The following EDEM3 variants were observed in gnomAD, a reference collection of about 807,000 sequenced individuals.
The protein encoded by EDEM3 is ER degradation-enhancing alpha-mannosidase-like protein 3.
In EDEM3, 60 loss-of-function variants were observed where a neutral mutation model predicts 110.2. The ratio of observed to expected loss-of-function variants is 0.54; its 90% CI spans 0.44 to 0.67. The LOEUF (loss-of-function observed/expected upper bound fraction) is 0.67, where lower values mean the gene tolerates loss of function less well. Among genes scored for constraint, EDEM3 ranks in the 30% least tolerant of loss-of-function variants. The pLI is 0.00. For missense variants in EDEM3, 996 were observed against 1,121.0 expected (o/e 0.89, Z 1.59); for synonymous variants, 352 against 382.9 (o/e 0.92, Z 0.94).
chr1:184,754,515 C>T lies in EDEM3; in HGVS notation c.132G>A (p.Met44Ile), dbSNP rs1571440002. Residue 44 changes from methionine (M) to isoleucine (I), a missense_variant, in exon 1 of 20, where the codon ATG becomes ATA. Met to Ile is a conservative substitution (Grantham distance 10). This residue lies in a region of EDEM3 where 200 missense variants were observed against 183.8 expected (regional missense o/e 1.09). Coordinates refer to ENST00000318130, the MANE Select transcript of EDEM3 (RefSeq NM_025191.4). ...CAAGCTTCTGTTTCTCCTCCCTACTCATGGGCTCGGCCCCCGCCGTCCACA... is the reference window on the plus strand; with the variant it reads ...CAAGCTTCTGTTTCTCCTCCCTACTTATGGGCTCGGCCCCCGCCGTCCACA... ...TSVWTAGAEP[M>I]SREEKQKLGN... 1 of 1,613,316 alleles carries T rather than the reference C, an allele frequency of 6.2e-7. No homozygotes were observed. The highest frequency in any genetic ancestry group is 8.5e-7 in the Non-Finnish European group (1 of 1,179,828).
At chr1:184,703,706 G>A (rs766350392) in intron 18 of EDEM3, among the ~76,000 whole-genome samples, 25 of 152,220 alleles carry the variant, frequency 1.6e-4, no homozygotes, top group Middle Eastern at 3.4e-3. Context: ...CCTGTCTCAG[G>A]GTGCTCACTC....
intron 2 of EDEM3, among the ~76,000 whole-genome samples, chr1:184,747,527 T>C (rs1232124980): frequency 3.3e-5 from 5 of 152,352 alleles, no homozygotes; most frequent in East Asian, 1.9e-4. Context: ...AGATTGAATA[T>C]AGAAGAAGTA....
chr1:184,717,626 G>C lies in EDEM3; in HGVS notation c.1162-3C>G. On this transcript the variant is annotated splice_region_variant and splice_polypyrimidine_tract_variant and intron_variant, in intron 11 of 19. Coordinates refer to ENST00000318130, the MANE Select transcript of EDEM3 (RefSeq NM_025191.4). The stretch of plus-strand genomic sequence containing the variant: ...ACTCTGAAATCTGTGGTAAATGCCT[G>C]AACAAAACAACATACAAAAGGCATA... 1 of 1,592,142 alleles carries C rather than the reference G, an allele frequency of 6.3e-7. No individual in the cohort carries two copies. Among genetic ancestry groups the C allele is most frequent in the South Asian group, 1.2e-5 (1 of 86,664 alleles).
chr1:184,719,376 G>A, intron 10 of EDEM3, 67 bp downstream of exon 10: 1 of 1,570,282 alleles, frequency 6.4e-7, no homozygotes, highest in Non-Finnish European at 8.6e-7. Context: ...CAGTTTTAAA[G>A]ATCAAAAATG....
intron 9 of EDEM3, chr1:184,720,871 A>C (rs773569622): frequency 6.2e-6 from 1 of 161,862 alleles, no homozygotes; most frequent in Non-Finnish European, 1.3e-5. Flanking sequence ...ATGAATACTC[A>C]CTAGTTTCTC....
intron 2 of EDEM3, 72 bp from the exon 3 acceptor site, chr1:184,737,783 T>C: frequency 7.7e-7 from 1 of 1,306,778 alleles, no homozygotes; most frequent in South Asian, 1.4e-5. Context: ...AACATAACTT[T>C]TTCACAGTTA....
At chr1:184,720,363 A>G (rs997549891) in intron 9 of EDEM3, 1 of 151,952 alleles carries the variant, frequency 6.6e-6, no homozygotes, top group African/African-American at 2.4e-5. Context: ...GAATGCATAA[A>G]CTCAATCCTC....
intron 6 of EDEM3, among the ~76,000 whole-genome samples, chr1:184,732,215 C>T (rs1346643124): frequency 6.6e-6 from 1 of 151,812 alleles, no homozygotes; most frequent in Non-Finnish European, 1.5e-5. Flanking sequence ...CATAGAAAGA[C>T]AAATTTTGAA....
intron 1 of EDEM3, among the ~76,000 whole-genome samples, 157 bp downstream of exon 1, chr1:184,754,332 C>T (rs1239979523): frequency 6.6e-6 from 1 of 152,244 alleles, no homozygotes; most frequent in African/African-American, 2.4e-5. Flanking sequence ...CGGTTCCCAC[C>T]TCCCCGGACC....
chr1:184,730,048 T>C, intron 6 of EDEM3, among the ~76,000 whole-genome samples: 1 of 152,298 alleles, frequency 6.6e-6, no homozygotes, highest in Middle Eastern at 3.4e-3. Context: ...GAAATCCATA[T>C]TAAAATATAA....
intron 13 of EDEM3, among the ~76,000 whole-genome samples, chr1:184,712,914 G>C (rs1042773686): frequency 2.0e-5 from 3 of 152,138 alleles, no homozygotes; most frequent in African/African-American, 7.2e-5. Context: ...CAGCAGGGAG[G>C]TAACTGATAA....
rs372933109 is a variant in EDEM3 at position 184,752,932 on chromosome 1, C to T, written c.158+1557G>A. On this transcript the variant is annotated intron_variant, in intron 1 of 19. Transcript: ENST00000318130. ...AGAGATAACATATGTAAAGTATTCA[C>T]AGAGTGAGATATTTGGTAAAACTTA... is the stretch of plus-strand genomic sequence containing the variant. Among the ~76,000 whole-genome samples, 29 of 152,262 alleles carry T rather than the reference C, an allele frequency of 1.9e-4. No homozygotes were observed. The East Asian group carries it at 5.4e-3, about 28-fold the overall frequency.
chr1:184,712,536 T>C lies in EDEM3; in HGVS notation c.1433A>G (p.Glu478Gly). Reference protein sequence around the residue: ...KYLYLLFADKEDIIFDIEDYI... With the variant: ...KYLYLLFADKGDIIFDIEDYI... ...ATCTTCTATGTCAAAAATAATGTCT[T>C]CTTTATCAGCAAATAACAGGTAAAG... Residue 478 changes from glutamate to glycine, a missense_variant, in exon 14 of 20, where the codon GAA becomes GGA. Glu to Gly is a moderately conservative substitution (Grantham distance 98). Transcript: ENST00000318130. 1 of 1,596,130 alleles carries C rather than the reference T, an allele frequency of 6.3e-7. No individual in the cohort carries two copies. The highest frequency in any genetic ancestry group is 8.6e-7 in the Non-Finnish European group (1 of 1,168,864).
At chr1:184,724,888 T>C (rs757448589) in intron 7 of EDEM3, among the ~76,000 whole-genome samples, 11 of 152,156 alleles carry the variant, frequency 7.2e-5, no homozygotes, top group Non-Finnish European at 1.5e-4. Context: ...GATCTCTTTA[T>C]ATATATTAGA....
rs1649012532 is a variant in EDEM3 at position 184,690,442 on chromosome 1, T to C, written c.*3621A>G. On this transcript the variant is annotated 3_prime_UTR_variant, in exon 20 of 20. Coordinates refer to ENST00000318130, the MANE Select transcript of EDEM3 (RefSeq NM_025191.4). The stretch of plus-strand genomic sequence containing the variant: ...AAAAAGGAAAACAGAGTGATAAACA[T>C]CAAGACATAAAAGTATGAGGATATG... 6.6e-6 allele frequency: 1 copy of C among 151,916 alleles called. No homozygotes were observed. Among genetic ancestry groups the C allele is most frequent in the African/African-American group, 2.4e-5 (1 of 41,250 alleles). The allele number at this position is 151,916 out of a possible 1,614,324, so 9.4% of individuals were successfully genotyped here. A position where few individuals can be genotyped will look rare whatever the true frequency, so the allele number is the denominator to read the frequency against.
chr1:184,700,843 A>G (rs1649578067), intron 19 of EDEM3, among the ~76,000 whole-genome samples: 1 of 152,016 alleles, frequency 6.6e-6, no homozygotes, highest in African/African-American at 2.4e-5. Context: ...AATATTAACA[A>G]TTAGACTGTA....
rs1381637378 is a variant in EDEM3, at chr1:184,710,394, T to C, written c.1845A>G (p.Gln615=). ...TCTAATTAGTGTAGCAATGTCTTAC[T>C]TGGATTGCATGTTGGACCAACTGGA... ...GRVQLVQHAI[Q]AASSIDAEDG... Residue 615 remains glutamine (Q), a splice_region_variant and synonymous_variant, in exon 16 of 20, where the codon CAA becomes CAG. Coordinates refer to ENST00000318130, the MANE Select transcript of EDEM3 (RefSeq NM_025191.4). The C allele has an allele frequency of 1.9e-6, 3 of 1,613,608 alleles. No homozygotes were observed. Among genetic ancestry groups the C allele is most frequent in the East Asian group, 2.2e-5 (1 of 44,874 alleles).
intron 13 of EDEM3, among the ~76,000 whole-genome samples, chr1:184,716,282 A>T (rs1485109195): frequency 6.6e-6 from 1 of 152,204 alleles, no homozygotes; most frequent in Non-Finnish European, 1.5e-5. Context: ...CAAATGAACA[A>T]ATAAGCTTCA....
At chr1:184,710,353 C>A (rs201539914) in intron 16 of EDEM3, 41 bp downstream of exon 16, 2 of 1,585,514 alleles carry the variant, frequency 1.3e-6, no homozygotes, top group East Asian at 2.3e-5. Flanking sequence ...CCAAAGAAAG[C>A]AGGGCAGAGA....
Sources: gnomAD v4.1 joint callset for allele counts (sites outside exome capture counted in the v4.1 genomes callset) on GRCh38, gnomAD v4.1.1 for gene constraint, gnomAD v4.1.1 regional missense constraint, MANE v1.5 for transcripts, NCBI Gene and HGNC (gene_info 2026-07-23, HGNC 2026-07-21) for gene names.